BCAS1: variants seen among roughly 807,000 people sequenced by gnomAD.
BCAS1 encodes the protein brain enriched myelin associated protein 1, also known as breast carcinoma-amplified sequence 1.
BCAS1 carries 46 observed loss-of-function variants against 65.4 expected under a neutral mutation model. That is an observed-to-expected ratio of 0.70 (90% CI 0.55 to 0.90). BCAS1 has a LOEUF of 0.90. Ranked by LOEUF, BCAS1 falls within the 40% of genes least tolerant of loss-of-function variation. The pLI is 0.00. For synonymous variants in BCAS1, 298 were observed against 293.5 expected (o/e 1.02, Z -0.16); for missense variants, 793 against 771.2 (o/e 1.03, Z -0.33).
At chr20:53,949,336 C>T (rs562908085) in intron 12 of BCAS1, among the ~76,000 whole-genome samples, 177 of 151,514 alleles carry the variant, frequency 1.2e-3, no homozygotes, top group Non-Finnish European at 1.9e-3. Context: ...CCTTCCAGTT[C>T]TTTTCAGATT....
chr20:54,055,994 T>C (rs895923566), intron 3 of BCAS1, among the ~76,000 whole-genome samples: 2 of 152,114 alleles, frequency 1.3e-5, no homozygotes, highest in Non-Finnish European at 2.9e-5. Flanking sequence ...AAAAGTTGAA[T>C]TCATAGAAGC....
At chr20:53,964,905 G>GT (rs143853752) in intron 10 of BCAS1, among the ~76,000 whole-genome samples, 28,011 of 145,830 alleles carry the variant, frequency 0.19, 3,442 homozygotes, top group Non-Finnish European at 0.27. Context: ...TCTATTTACT[G>GT]TTTTTTTTTT....
chr20:53,959,627 G>A (rs947163463), intron 10 of BCAS1, among the ~76,000 whole-genome samples: 1 of 152,094 alleles, frequency 6.6e-6, no homozygotes, highest in Admixed American at 6.5e-5. Flanking sequence ...CGAGCTCCTG[G>A]GCTCAAGTGA....
chr20:53,959,292 TG>T (rs1568811709), intron 10 of BCAS1, among the ~76,000 whole-genome samples: 1 of 151,852 alleles, frequency 6.6e-6, no homozygotes, highest in Admixed American at 6.6e-5. Flanking sequence ...CTCACTCTCT[TG>T]CCCAAGCTGG....
rs141706469 is a variant in BCAS1 at position 54,047,387 on chromosome 20, G to A, written c.142+10698C>T. On this transcript the variant is annotated intron_variant, in intron 3 of 12. Transcript: ENST00000688948. ...ACCAGGAAGCATGGGTTATTGCGTG[G>A]TGGGTTGTATGTGTGCATCTTTGGA... Among the ~76,000 whole-genome samples the A allele has an allele frequency of 8.3e-3, 1,266 of 152,340 alleles. 9 individuals carry two copies. Among genetic ancestry groups the A allele is most frequent in the Middle Eastern group, 0.027 (8 of 294 alleles).
intron 4 of BCAS1, among the ~76,000 whole-genome samples, chr20:54,021,253 C>T (rs2091550851): frequency 1.3e-5 from 2 of 151,794 alleles, no homozygotes; most frequent in Admixed American, 6.6e-5. Context: ...ATGACACATA[C>T]ATCGGAAATA....
chr20:54,040,474 T>A (rs1181157931), intron 3 of BCAS1, among the ~76,000 whole-genome samples: 1 of 151,120 alleles, frequency 6.6e-6, no homozygotes, highest in African/African-American at 2.4e-5. Flanking sequence ...ACTTTGAGAC[T>A]CTGGAAAAAT....
chr20:54,020,827 T>C (rs1201435880), intron 4 of BCAS1, among the ~76,000 whole-genome samples: 1 of 152,202 alleles, frequency 6.6e-6, no homozygotes, highest in African/African-American at 2.4e-5. Flanking sequence ...TAGAAAAGAA[T>C]ACAAAATCCC....
At position 54,028,938 on chromosome 20, in the gene BCAS1, C is replaced by T. The variant is rs756385945; in HGVS notation, c.177G>A (p.Val59=). 2 of 1,613,390 alleles carry T rather than the reference C, an allele frequency of 1.2e-6. No homozygotes were observed. Among genetic ancestry groups the T allele is most frequent in the Non-Finnish European group, 1.7e-6 (2 of 1,179,852 alleles). The change falls in exon 4 of 13, where the codon GTG becomes GTA. Residue 59 remains valine, a synonymous_variant. Transcript: ENST00000688948. The part of the protein sequence containing the change: ...DLGISVKTDN[V]ATSSPETTEI... ...CCGTTGTCTCGGGGGAAGAAGTGGCCACATTATCCGTCTTGACACTTATTC... is the reference window on the plus strand; with the variant it reads ...CCGTTGTCTCGGGGGAAGAAGTGGCTACATTATCCGTCTTGACACTTATTC...
chr20:53,996,461 T>TAAA (rs143929524), intron 4 of BCAS1, among the ~76,000 whole-genome samples: 37 of 92,174 alleles, frequency 4.0e-4, no homozygotes, highest in Non-Finnish European at 4.5e-4. Flanking sequence ...TTATATCAAC[T>TAAA]AAAAAAAAAA....
At chr20:54,027,151 T>A (rs1214791104) in intron 4 of BCAS1, among the ~76,000 whole-genome samples, 1 of 152,206 alleles carries the variant, frequency 6.6e-6, no homozygotes, top group African/African-American at 2.4e-5. Context: ...CTGAAAGAAA[T>A]GTTGGAAATA....
intron 4 of BCAS1, among the ~76,000 whole-genome samples, chr20:54,000,579 T>G (rs1281230798): frequency 6.6e-6 from 1 of 152,224 alleles, no homozygotes; most frequent in Non-Finnish European, 1.5e-5. Context: ...TTCTCTCCTT[T>G]CATGGACTCC....
chr20:54,012,141 T>C (rs79795601), intron 4 of BCAS1, among the ~76,000 whole-genome samples: 1 of 152,068 alleles, frequency 6.6e-6, no homozygotes, highest in African/African-American at 2.4e-5. Context: ...AAAAAGCCTA[T>C]GTAAAAAAGG....
chr20:53,974,801 C>T (rs533446685), intron 9 of BCAS1, among the ~76,000 whole-genome samples: 3 of 152,306 alleles, frequency 2.0e-5, no homozygotes, highest in Non-Finnish European at 2.9e-5. Context: ...CCATCCCTTT[C>T]GGGGATGAAT....
chr20:53,978,225 C>T (rs892731386), intron 8 of BCAS1, among the ~76,000 whole-genome samples: 1 of 152,058 alleles, frequency 6.6e-6, no homozygotes, highest in Non-Finnish European at 1.5e-5. Context: ...TGGAAATCAT[C>T]ATTCTCAGTC....
chr20:53,986,771 C>T (rs563223552), intron 7 of BCAS1, among the ~76,000 whole-genome samples: 1 of 152,206 alleles, frequency 6.6e-6, no homozygotes, highest in Non-Finnish European at 1.5e-5. Context: ...GTGGCTTGCA[C>T]CTGTGGTCCC....
intron 1 of BCAS1, among the ~76,000 whole-genome samples, chr20:54,066,281 C>T (rs1043138825): frequency 1.3e-5 from 2 of 152,172 alleles, no homozygotes; most frequent in African/African-American, 2.4e-5. Context: ...CCCGTGTTAG[C>T]CAGGATGGTC....
chr20:53,972,439 T>C (rs2090204096), intron 9 of BCAS1, among the ~76,000 whole-genome samples: 1 of 152,378 alleles, frequency 6.6e-6, no homozygotes, highest in South Asian at 2.1e-4. Context: ...TAACAATTAC[T>C]GCAGAAGGTG....
chr20:53,972,703 T>TAC (rs1481314673), intron 9 of BCAS1, among the ~76,000 whole-genome samples: 3 of 152,238 alleles, frequency 2.0e-5, no homozygotes, highest in Non-Finnish European at 4.4e-5. Context: ...GCCCATGAGC[T>TAC]ACAGTTTGCT....
Sources: allele counts gnomAD v4.1 joint callset (sites outside exome capture counted in the v4.1 genomes callset), GRCh38; gene constraint gnomAD v4.1.1; transcripts MANE v1.5; gene names NCBI Gene and HGNC (gene_info 2026-07-23, HGNC 2026-07-21).